IGF1R: variants seen among roughly 807,000 people sequenced by gnomAD.
The protein encoded by IGF1R is insulin-like growth factor 1 receptor.
A neutral mutation model predicts 144.6 loss-of-function variants in IGF1R; 44 were observed. The observed-to-expected ratio is 0.30, with a 90% CI of 0.24 to 0.39. IGF1R has a LOEUF of 0.39. Ranked by LOEUF, IGF1R falls within the 10% of genes least tolerant of loss-of-function variation. The pLI is 1.00. For synonymous variants in IGF1R, 795 were observed against 722.8 expected (o/e 1.10, Z -1.60); for missense variants, 1,355 against 1,833.7 (o/e 0.74, Z 4.77).
intron 15 of IGF1R, among the ~76,000 whole-genome samples, chr15:98,933,502 C>G (rs533650485): frequency 6.6e-6 from 1 of 152,000 alleles, no homozygotes; most frequent in Non-Finnish European, 1.5e-5. Flanking sequence ...TGCCATCACA[C>G]CTGGCTAATT....
At chr15:98,893,055 A>AT (rs1420312766) in intron 3 of IGF1R, among the ~76,000 whole-genome samples, 1 of 152,200 alleles carries the variant, frequency 6.6e-6, no homozygotes, top group African/African-American at 2.4e-5. Flanking sequence ...AGTGGACTAA[A>AT]TGCCTCCTTC....
intron 20 of IGF1R, 63 bp downstream of exon 20, chr15:98,948,771 G>A: frequency 1.3e-6 from 2 of 1,568,560 alleles, no homozygotes; most frequent in Non-Finnish European, 1.8e-6. Flanking sequence ...TGTTTTCTTG[G>A]GTCACAGGAG....
In IGF1R at chr15:98,784,010, T is replaced by C. The variant is rs191841572; in HGVS notation, c.640+75903T>C. Among the ~76,000 whole-genome samples the C allele has an allele frequency of 4.2e-4, 47 of 113,078 alleles. No homozygotes were observed. In the East Asian group the frequency reaches 0.013, roughly 31 times the overall value. The allele number at this position is 113,078 out of a possible 152,430, so 74.2% of individuals were successfully genotyped here. ...TTTTTTTTGAGATGGAGTCTCCCTT[T>C]GTTGCCCAGGCTAGAGTGCAATGGC... On this transcript the variant is annotated intron_variant, in intron 2 of 20. Transcript: ENST00000650285.
At chr15:98,868,736 T>A (rs1380626374) in intron 2 of IGF1R, among the ~76,000 whole-genome samples, 1 of 152,116 alleles carries the variant, frequency 6.6e-6, no homozygotes, top group Admixed American at 6.5e-5. Flanking sequence ...CCCTCCCTCT[T>A]TGGCTTGTTG....
chr15:98,845,293 G>A (rs186546296), intron 2 of IGF1R, among the ~76,000 whole-genome samples: 1 of 152,276 alleles, frequency 6.6e-6, no homozygotes, highest in African/African-American at 2.4e-5. Flanking sequence ...TAACCTTTGA[G>A]GGGCTTTGTG....
chr15:98,956,319 G>A (rs1338025307), intron 20 of IGF1R, among the ~76,000 whole-genome samples: 1 of 152,230 alleles, frequency 6.6e-6, no homozygotes, highest in Non-Finnish European at 1.5e-5. Context: ...CGTGTGGAGG[G>A]GACTCGTGCC....
intron 2 of IGF1R, among the ~76,000 whole-genome samples, chr15:98,749,965 G>T (rs2054967493): frequency 6.7e-6 from 1 of 150,286 alleles, no homozygotes; most frequent in Non-Finnish European, 1.5e-5. Context: ...AGTGAACAAA[G>T]ATATTTGCTC....
intron 1 of IGF1R, among the ~76,000 whole-genome samples, chr15:98,655,787 C>T (rs1031254121): frequency 7.3e-5 from 11 of 150,940 alleles, no homozygotes; most frequent in East Asian, 3.9e-4. Context: ...GGTGTGATCA[C>T]GGCTTGATTC....
At chr15:98,954,545 A>G (rs1308729518) in intron 20 of IGF1R, among the ~76,000 whole-genome samples, 1 of 152,196 alleles carries the variant, frequency 6.6e-6, no homozygotes, top group Admixed American at 6.5e-5. Flanking sequence ...TTTCATGGGC[A>G]GCACTGGAAG....
intron 11 of IGF1R, 26 bp from the exon 12 acceptor site, chr15:98,923,850 C>T: frequency 1.2e-6 from 2 of 1,611,616 alleles, no homozygotes; most frequent in Non-Finnish European, 8.5e-7. Flanking sequence ...CCAAATCCAA[C>T]TTTGTCACCT....
intron 2 of IGF1R, among the ~76,000 whole-genome samples, chr15:98,885,564 T>C (rs1324155914): frequency 6.6e-6 from 1 of 152,198 alleles, no homozygotes; most frequent in Non-Finnish European, 1.5e-5. Flanking sequence ...CGAGGATGCA[T>C]GCCTGCTAGG....
chr15:98,733,657 C>G (rs1029941745), intron 2 of IGF1R, among the ~76,000 whole-genome samples: 4 of 152,154 alleles, frequency 2.6e-5, no homozygotes, highest in African/African-American at 7.2e-5. Context: ...AATCAGTTTG[C>G]TGTCTGACTA....
chr15:98,698,771 C>T (rs921425992), intron 1 of IGF1R, among the ~76,000 whole-genome samples: 3 of 152,186 alleles, frequency 2.0e-5, no homozygotes, highest in Admixed American at 1.3e-4. Flanking sequence ...AGATAGAAAG[C>T]CTCAGTATTT....
intron 2 of IGF1R, among the ~76,000 whole-genome samples, chr15:98,715,156 G>A (rs1041175023): frequency 1.6e-4 from 24 of 152,184 alleles, no homozygotes; most frequent in Admixed American, 7.2e-4. Flanking sequence ...ATAGTCAGGC[G>A]TGGAGCTCAC....
At chr15:98,754,245 T>C (rs2055092710) in intron 2 of IGF1R, among the ~76,000 whole-genome samples, 1 of 152,194 alleles carries the variant, frequency 6.6e-6, no homozygotes, top group African/African-American at 2.4e-5. Context: ...CTGCAGTATC[T>C]GTGGCTCTCC....
intron 5 of IGF1R, among the ~76,000 whole-genome samples, chr15:98,905,372 A>G (rs1314842182): frequency 3.3e-5 from 5 of 152,002 alleles, no homozygotes; most frequent in Admixed American, 6.6e-5. Flanking sequence ...AAAATAAGTA[A>G]CTGGTCAGGT....
At chr15:98,658,037 C>T (rs2052524535) in intron 1 of IGF1R, among the ~76,000 whole-genome samples, 1 of 152,170 alleles carries the variant, frequency 6.6e-6, no homozygotes, top group Non-Finnish European at 1.5e-5. Context: ...GAACGTGCCT[C>T]TTGTGGTCCT....
intron 2 of IGF1R, among the ~76,000 whole-genome samples, chr15:98,876,059 A>C (rs2013045351): frequency 6.6e-6 from 1 of 152,208 alleles, no homozygotes. Flanking sequence ...TTTGCATGAT[A>C]GTCTGGAATG....
intron 2 of IGF1R, among the ~76,000 whole-genome samples, chr15:98,729,723 C>G (rs2054453954): frequency 6.6e-6 from 1 of 152,104 alleles, no homozygotes; most frequent in South Asian, 2.1e-4. Context: ...GAATAGAGGC[C>G]TAGGATTCGC....
Sources: gnomAD v4.1 joint callset for allele counts (sites outside exome capture counted in the v4.1 genomes callset) on GRCh38, gnomAD v4.1.1 for gene constraint, MANE v1.5 for transcripts, NCBI Gene and HGNC (gene_info 2026-07-23, HGNC 2026-07-21) for gene names.